CNTN5: variants seen among roughly 807,000 people sequenced by gnomAD.
CNTN5 encodes the protein contactin-5.
In CNTN5, 77 loss-of-function variants were observed where a neutral mutation model predicts 129.1. That is an observed-to-expected ratio of 0.60 (90% CI 0.50 to 0.72). The LOEUF is 0.72. Among genes scored for constraint, CNTN5 ranks in the 30% least tolerant of loss-of-function variants. CNTN5 has a pLI of 0.00. For synonymous variants in CNTN5, 509 were observed against 465.6 expected (o/e 1.09, Z -1.20); for missense variants, 1,478 against 1,328.8 (o/e 1.11, Z -1.75).
intron 1 of CNTN5, among the ~76,000 whole-genome samples, chr11:99,270,231 T>C (rs1863110628): frequency 6.6e-6 from 1 of 151,896 alleles, no homozygotes; most frequent in Admixed American, 6.6e-5. Flanking sequence ...GAGTAATACA[T>C]GTATTAAGTA....
At chr11:99,638,082 C>A (rs1591400397) in intron 3 of CNTN5, among the ~76,000 whole-genome samples, 1 of 25,240 alleles carries the variant, frequency 4.0e-5, no homozygotes, top group Non-Finnish European at 1.4e-4. Flanking sequence ...AACTGAGAAA[C>A]AAACAAAGGT....
At chr11:99,580,616 G>T (rs188008757) in intron 3 of CNTN5, among the ~76,000 whole-genome samples, 6,210 of 152,142 alleles carry the variant, frequency 0.041, 165 homozygotes, top group South Asian at 0.087. Context: ...GTTTATTTGC[G>T]TAGACGTGTT....
intron 9 of CNTN5, among the ~76,000 whole-genome samples, chr11:100,006,335 T>G (rs1465485474): frequency 6.6e-6 from 1 of 152,104 alleles, no homozygotes; most frequent in East Asian, 1.9e-4. Context: ...TCACATTGAT[T>G]GACTCTGTAG....
intron 8 of CNTN5, among the ~76,000 whole-genome samples, chr11:99,997,444 G>A (rs946116810): frequency 6.6e-6 from 1 of 152,096 alleles, no homozygotes; most frequent in Non-Finnish European, 1.5e-5. Context: ...ACTCTCCCAA[G>A]ACTAAACCAG....
intron 3 of CNTN5, among the ~76,000 whole-genome samples, chr11:99,718,881 C>A (rs1044388964): frequency 5.3e-5 from 8 of 152,214 alleles, no homozygotes; most frequent in East Asian, 1.9e-4. Flanking sequence ...GGTTTCAATT[C>A]TATCTACTGT....
chr11:99,874,688 G>T (rs1948589182), intron 6 of CNTN5, among the ~76,000 whole-genome samples: 1 of 152,146 alleles, frequency 6.6e-6, no homozygotes, highest in Admixed American at 6.5e-5. Flanking sequence ...ATAAAGAAAA[G>T]ATATATGCTT....
At chr11:99,520,127 G>T (rs1005264516) in intron 2 of CNTN5, among the ~76,000 whole-genome samples, 8 of 152,118 alleles carry the variant, frequency 5.3e-5, no homozygotes, top group African/African-American at 1.9e-4. Flanking sequence ...AAAGTATTTG[G>T]TGACTTAAAA....
chr11:99,718,667 T>C (rs774543401), intron 3 of CNTN5, among the ~76,000 whole-genome samples: 3 of 152,090 alleles, frequency 2.0e-5, no homozygotes, highest in Non-Finnish European at 4.4e-5. Flanking sequence ...AGGATGGTAA[T>C]CTATAGCATC....
chr11:99,047,874 T>G (rs1864275447), intron 1 of CNTN5, among the ~76,000 whole-genome samples: 2 of 152,092 alleles, frequency 1.3e-5, no homozygotes, highest in Non-Finnish European at 2.9e-5. Flanking sequence ...GCAAATTGAC[T>G]TGTACTCTTG....
In CNTN5 at chr11:100,255,935, C is replaced by T; in HGVS notation, c.2164+17C>T. On this transcript the variant is annotated intron_variant, in intron 17 of 24. Transcript: ENST00000524871. ...TAAAGACAGGTAAGAGGCACTAAAG[C>T]AACATCAGATATAACCAGAGTGGCC... is the stretch of plus-strand genomic sequence containing the variant. 1 of 1,612,570 alleles carries T rather than the reference C, an allele frequency of 6.2e-7. No individual in the cohort carries two copies. The highest frequency in any genetic ancestry group is 2.2e-5 in the East Asian group (1 of 44,852).
At chr11:99,759,005 A>C (rs1028852359) in intron 3 of CNTN5, among the ~76,000 whole-genome samples, 5 of 152,116 alleles carry the variant, frequency 3.3e-5, no homozygotes, top group Admixed American at 1.3e-4. Flanking sequence ...AGGCTGGAGA[A>C]CTGAGGAAAT....
intron 1 of CNTN5, among the ~76,000 whole-genome samples, chr11:99,273,433 A>C (rs1378441121): frequency 1.3e-5 from 2 of 151,810 alleles, no homozygotes; most frequent in Non-Finnish European, 2.9e-5. Flanking sequence ...CTTTATTTGT[A>C]CAGAACCATT....
At chr11:99,059,255 T>C (rs893751669) in intron 1 of CNTN5, among the ~76,000 whole-genome samples, 3 of 152,076 alleles carry the variant, frequency 2.0e-5, no homozygotes, top group Non-Finnish European at 4.4e-5. Context: ...GCCTTGCCAA[T>C]TAATTTTTTC....
intron 3 of CNTN5, among the ~76,000 whole-genome samples, chr11:99,614,262 T>C (rs1950687643): frequency 6.6e-6 from 1 of 152,234 alleles, no homozygotes; most frequent in Admixed American, 6.5e-5. Flanking sequence ...CATTGTTTAT[T>C]TTTGTCATGT....
chr11:100,349,942 A>G (rs1952368341), intron 23 of CNTN5, among the ~76,000 whole-genome samples: 1 of 151,724 alleles, frequency 6.6e-6, no homozygotes, highest in South Asian at 2.1e-4. Context: ...ATTTTCTAAT[A>G]TGTAAACCCA....
intron 16 of CNTN5, 53 bp from the exon 17 acceptor site, chr11:100,255,707 T>G (rs976461389): frequency 2.0e-6 from 3 of 1,490,258 alleles, no homozygotes; most frequent in East Asian, 2.3e-5. Context: ...TAATTTCTCA[T>G]GGCTCCTGAT....
chr11:99,425,521 G>A (rs1943080088), intron 2 of CNTN5, among the ~76,000 whole-genome samples: 1 of 152,236 alleles, frequency 6.6e-6, no homozygotes, highest in Admixed American at 6.5e-5. Context: ...GTGGTGGGGT[G>A]GGGGTAGGGG....
At chr11:99,229,584 A>T (rs2135724571) in intron 1 of CNTN5, among the ~76,000 whole-genome samples, 1 of 151,996 alleles carries the variant, frequency 6.6e-6, no homozygotes, top group Non-Finnish European at 1.5e-5. Flanking sequence ...AAAGAGTAAA[A>T]CACAGTTTAT....
intron 1 of CNTN5, among the ~76,000 whole-genome samples, chr11:99,279,372 A>T (rs978731909): frequency 6.6e-6 from 1 of 151,858 alleles, no homozygotes; most frequent in African/African-American, 2.4e-5. Context: ...CACCAGAGAA[A>T]AAACAGTTGA....
Sources: gnomAD v4.1 joint callset for allele counts (sites outside exome capture counted in the v4.1 genomes callset) on GRCh38, gnomAD v4.1.1 for gene constraint, MANE v1.5 for transcripts, NCBI Gene and HGNC (gene_info 2026-07-23, HGNC 2026-07-21) for gene names.